The following RBFOX1 variants were observed in gnomAD, a reference collection of about 807,000 sequenced individuals.
The protein encoded by RBFOX1 is RNA binding protein fox-1 homolog 1.
Under a neutral mutation model 57.7 loss-of-function variants are expected in RBFOX1, and 8 were observed. That is an observed-to-expected ratio of 0.14 (90% CI 0.08 to 0.25). The LOEUF is 0.25. Ranked by LOEUF, RBFOX1 falls within the 10% of genes least tolerant of loss-of-function variation. The pLI, the probability that RBFOX1 is intolerant of heterozygous loss-of-function variation, is 1.00. For missense variants in RBFOX1, 611 were observed against 548.5 expected, an observed-to-expected ratio of 1.11 and a Z score of -1.14; for synonymous variants, 326 against 222.4, an observed-to-expected ratio of 1.47 and a Z score of -4.15.
At chr16:6,374,826 T>A (rs1224673044) in intron 2 of RBFOX1, among the ~76,000 whole-genome samples, 1 of 152,232 alleles carries the variant, frequency 6.6e-6, no homozygotes, top group Non-Finnish European at 1.5e-5. Context: ...TTATTCTTAA[T>A]CTGTGAACAT....
At chr16:5,536,932 G>A (rs2044722481) in intron 2 of RBFOX1, among the ~76,000 whole-genome samples, 1 of 152,126 alleles carries the variant, frequency 6.6e-6, no homozygotes, top group South Asian at 2.1e-4. Context: ...GGTTTACATT[G>A]CTTACATATT....
At chr16:6,166,849 C>T (rs2096921440) in intron 1 of RBFOX1, among the ~76,000 whole-genome samples, 1 of 152,166 alleles carries the variant, frequency 6.6e-6, no homozygotes, top group Non-Finnish European at 1.5e-5. Context: ...TTTCGGCTCA[C>T]TGCAACCTCC....
At chr16:5,602,184 C>G (rs922790066), downstream of RBFOX1, among the ~76,000 whole-genome samples, 1 of 152,218 alleles carries the variant, frequency 6.6e-6, no homozygotes, top group African/African-American at 2.4e-5. Context: ...TTTTGACGAC[C>G]TCTACTGGAG....
intron 4 of RBFOX1, among the ~76,000 whole-genome samples, chr16:7,364,820 A>T (rs917638148): frequency 6.6e-6 from 1 of 152,168 alleles, no homozygotes; most frequent in African/African-American, 2.4e-5. Context: ...TCCCATTGTG[A>T]GGGCAACATA....
rs575975413 is a variant in RBFOX1, at chr16:6,386,858, G to A, written c.-64+69801G>A. On this transcript the variant is annotated intron_variant, in intron 2 of 15. Coordinates refer to ENST00000550418, the MANE Select transcript of RBFOX1 (RefSeq NM_018723.4). Reference sequence around the variant, plus strand: ...CCAGATAGGGCTGGGAGGAAGGGAAGTATGGGTGGTGAGAAAGGCGGAGAG... The same window carrying A: ...CCAGATAGGGCTGGGAGGAAGGGAAATATGGGTGGTGAGAAAGGCGGAGAG... 1.4e-4 allele frequency among the ~76,000 whole-genome samples: 21 copies of A among 152,312 alleles called. No individual in the cohort carries two copies. The South Asian group carries it at 4.4e-3, about 32-fold the overall frequency.
At chr16:6,747,490 A>T (rs72765002) in intron 3 of RBFOX1, among the ~76,000 whole-genome samples, 1 of 150,812 alleles carries the variant, frequency 6.6e-6, no homozygotes, top group South Asian at 2.1e-4. Context: ...CTATCTGTCT[A>T]TCTGTCTTAC....
chr16:6,523,784 G>C (rs2096541185), intron 2 of RBFOX1, among the ~76,000 whole-genome samples: 1 of 152,122 alleles, frequency 6.6e-6, no homozygotes, highest in African/African-American at 2.4e-5. Context: ...CTCATGAAAT[G>C]CCACTTATTT....
intron 2 of RBFOX1, among the ~76,000 whole-genome samples, chr16:6,536,295 T>C (rs544078380): frequency 1.3e-5 from 2 of 152,284 alleles, no homozygotes; most frequent in South Asian, 4.1e-4. Flanking sequence ...CTCCAGCAAA[T>C]CTCGTGGGAA....
At chr16:6,683,311 G>C (rs1246774983) in intron 3 of RBFOX1, among the ~76,000 whole-genome samples, 1 of 152,048 alleles carries the variant, frequency 6.6e-6, no homozygotes, top group East Asian at 1.9e-4. Context: ...CTTTAAATAC[G>C]GTCCTGGGCA....
At chr16:7,346,911 A>G (rs946200841) in intron 4 of RBFOX1, among the ~76,000 whole-genome samples, 8 of 152,158 alleles carry the variant, frequency 5.3e-5, no homozygotes, top group African/African-American at 1.9e-4. Context: ...AAAAAAAACG[A>G]GAGGGGCAGC....
chr16:6,643,685 C>A (rs1362860602), intron 2 of RBFOX1, among the ~76,000 whole-genome samples: 1 of 152,074 alleles, frequency 6.6e-6, no homozygotes, highest in Non-Finnish European at 1.5e-5. Context: ...TTTCAATCTC[C>A]CTTATGCTTT....
chr16:5,995,068 A>G (rs986593118), intron 4 of RBFOX1, among the ~76,000 whole-genome samples: 3 of 152,212 alleles, frequency 2.0e-5, no homozygotes, highest in Non-Finnish European at 2.9e-5. Flanking sequence ...ATGAGTTCCA[A>G]ATAGATGAGT....
intron 4 of RBFOX1, among the ~76,000 whole-genome samples, chr16:7,186,846 T>C (rs1332472997): frequency 6.6e-6 from 1 of 151,360 alleles, no homozygotes; most frequent in Non-Finnish European, 1.5e-5. Context: ...CAATATTCTT[T>C]ATGACTTATT....
In RBFOX1 at chr16:7,266,779, A is replaced by G. The variant is rs866751593; in HGVS notation, c.27+214681A>G. ...GTTAAATGCTACAAAGGGAAAAAAA[A>G]TAAGAAAACATGTACCGATTACAGA... is the stretch of plus-strand genomic sequence containing the variant. On this transcript the variant is annotated intron_variant, in intron 4 of 15. Transcript: ENST00000550418. Among the ~76,000 whole-genome samples, 10 of 152,226 alleles carry G rather than the reference A, an allele frequency of 6.6e-5. No individual in the cohort carries two copies. In the South Asian group the frequency reaches 1.0e-3, roughly 16 times the overall value.
intron 3 of RBFOX1, among the ~76,000 whole-genome samples, chr16:5,784,421 C>T (rs1011633643): frequency 2.1e-5 from 3 of 141,458 alleles, no homozygotes; most frequent in Non-Finnish European, 4.7e-5. Flanking sequence ...AGCGAGAGTC[C>T]GTCTGAAACA....
At chr16:5,774,245 A>G (rs1295225583) in intron 3 of RBFOX1, among the ~76,000 whole-genome samples, 1 of 152,222 alleles carries the variant, frequency 6.6e-6, no homozygotes, top group East Asian at 1.9e-4. Flanking sequence ...TACCTTACTG[A>G]CAGACAGACA....
chr16:5,546,880 G>C (rs1428607870), intron 2 of RBFOX1, among the ~76,000 whole-genome samples: 3 of 152,160 alleles, frequency 2.0e-5, no homozygotes, highest in African/African-American at 4.8e-5. Flanking sequence ...CTTATGTGTA[G>C]AATGGGTAAA....
intron 4 of RBFOX1, among the ~76,000 whole-genome samples, chr16:7,281,997 C>T (rs2095553805): frequency 6.6e-6 from 1 of 152,110 alleles, no homozygotes; most frequent in Non-Finnish European, 1.5e-5. Flanking sequence ...TCCGGAGTAG[C>T]TGGGACCACA....
chr16:5,776,714 G>C (rs1021142902), intron 3 of RBFOX1, among the ~76,000 whole-genome samples: 4 of 152,166 alleles, frequency 2.6e-5, no homozygotes, highest in African/African-American at 7.2e-5. Context: ...TTTCAACCCA[G>C]ACAGTCTGCC....
Sources: gnomAD v4.1 joint callset for allele counts (sites outside exome capture counted in the v4.1 genomes callset) on GRCh38, gnomAD v4.1.1 for gene constraint, MANE v1.5 for transcripts, NCBI Gene and HGNC (gene_info 2026-07-23, HGNC 2026-07-21) for gene names.